SCAMP1: variants seen among roughly 807,000 people sequenced by gnomAD.
SCAMP1 encodes the protein secretory carrier membrane protein 1.
SCAMP1 carries 15 observed loss-of-function variants against 41.8 expected under a neutral mutation model. The ratio of observed to expected loss-of-function variants is 0.36; its 90% CI spans 0.24 to 0.55. The LOEUF (loss-of-function observed/expected upper bound fraction) is 0.55, where lower values mean the gene tolerates loss of function less well. Ranked by LOEUF, SCAMP1 falls within the 20% of genes least tolerant of loss-of-function variation. The pLI, the probability that SCAMP1 is intolerant of heterozygous loss-of-function variation, is 0.86. For missense variants in SCAMP1, 341 were observed against 412.6 expected (o/e 0.83, Z 1.50); for synonymous variants, 135 against 136.8 (o/e 0.99, Z 0.09).
rs11959013 is a variant in SCAMP1, at chr5:78,453,325, C to A, written c.734+3291C>A. On this transcript the variant is annotated intron_variant, in intron 7 of 8. Transcript: ENST00000621999. ...AGGGTTTTTATGGTTTTAGGTCTAA[C>A]GTTTAAGTCTTTAATCCATCTTGAA... Among the ~76,000 whole-genome samples the A allele has an allele frequency of 4.1e-5, 6 of 146,526 alleles. No homozygotes were observed. The East Asian group carries it at 9.9e-4, about 24-fold the overall frequency.
chr5:78,449,202 C>T (rs1753154590), intron 6 of SCAMP1, among the ~76,000 whole-genome samples: 1 of 151,658 alleles, frequency 6.6e-6, no homozygotes, highest in Non-Finnish European at 1.5e-5. Context: ...TGAATAATAA[C>T]AATAATAACT....
intron 8 of SCAMP1, among the ~76,000 whole-genome samples, chr5:78,473,565 CT>C (rs1009908490): frequency 1.3e-5 from 2 of 152,098 alleles, no homozygotes; most frequent in African/African-American, 2.4e-5. Context: ...ACAGTTGAGC[CT>C]GTCATCCAGG....
chr5:78,442,218 C>G (rs971226083), intron 6 of SCAMP1, among the ~76,000 whole-genome samples: 5 of 152,184 alleles, frequency 3.3e-5, no homozygotes, highest in Non-Finnish European at 5.9e-5. Context: ...TTAGTATTCT[C>G]TGTTCAGATA....
At chr5:78,445,018 A>G (rs1753019372) in intron 6 of SCAMP1, among the ~76,000 whole-genome samples, 1 of 152,228 alleles carries the variant, frequency 6.6e-6, no homozygotes, top group African/African-American at 2.4e-5. Flanking sequence ...TTGAGTTGCC[A>G]GAGTTAAATA....
chr5:78,416,674 A>T, intron 4 of SCAMP1, 25 bp downstream of exon 4: 1 of 1,515,582 alleles, frequency 6.6e-7, no homozygotes, highest in South Asian at 1.2e-5. Flanking sequence ...AATTTGAAAT[A>T]AAAATAACTT....
intron 6 of SCAMP1, among the ~76,000 whole-genome samples, chr5:78,430,142 GTATT>G (rs60452464): frequency 1.4e-4 from 6 of 41,786 alleles, no homozygotes; most frequent in African/African-American, 3.8e-4. Context: ...TATAAATACA[GTATT>G]TATTTATAAA....
intron 6 of SCAMP1, among the ~76,000 whole-genome samples, chr5:78,426,449 A>G (rs1752472741): frequency 2.6e-5 from 4 of 152,184 alleles, no homozygotes; most frequent in Admixed American, 2.6e-4. Flanking sequence ...CCTTGCCAGC[A>G]TCTGTTTCCT....
chr5:78,388,616 TCTAA>T (rs1167436117), intron 1 of SCAMP1, among the ~76,000 whole-genome samples: 1 of 152,228 alleles, frequency 6.6e-6, no homozygotes, highest in African/African-American at 2.4e-5. Flanking sequence ...CTGATTTGAA[TCTAA>T]CTCAGTTTTT....
chr5:78,429,080 A>G (rs1409767802), intron 6 of SCAMP1, among the ~76,000 whole-genome samples: 1 of 152,100 alleles, frequency 6.6e-6, no homozygotes, highest in African/African-American at 2.4e-5. Flanking sequence ...TGTCTTCTGC[A>G]AATAAAAATG....
intron 7 of SCAMP1, among the ~76,000 whole-genome samples, chr5:78,457,324 T>C (rs900659273): frequency 1.2e-4 from 18 of 152,240 alleles, no homozygotes; most frequent in African/African-American, 3.4e-4. Flanking sequence ...TTTTATCTAC[T>C]TTTGGTCTTT....
chr5:78,377,776 C>T (rs1751103095), intron 1 of SCAMP1, among the ~76,000 whole-genome samples: 1 of 152,190 alleles, frequency 6.6e-6, no homozygotes, highest in Admixed American at 6.5e-5. Flanking sequence ...GCAGCCTCAC[C>T]TGTCACTTAT....
chr5:78,469,090 A>G (rs190216249), intron 8 of SCAMP1, among the ~76,000 whole-genome samples: 19 of 152,290 alleles, frequency 1.2e-4, no homozygotes, highest in Admixed American at 6.5e-4. Flanking sequence ...ATCACATATT[A>G]TAAGTGGACC....
intron 7 of SCAMP1, among the ~76,000 whole-genome samples, chr5:78,456,679 T>C (rs10061850): frequency 9.3e-5 from 14 of 150,868 alleles, no homozygotes; most frequent in East Asian, 1.9e-4. Context: ...TTGCTCTTCT[T>C]GAGGAGTATC....
rs112269265 is a variant in SCAMP1 at position 78,376,253 on chromosome 5, A to G, written c.58-12584A>G. Among the ~76,000 whole-genome samples, 1,283 of 152,328 alleles carry G rather than the reference A, an allele frequency of 8.4e-3. 19 individuals carry two copies. The highest frequency in any genetic ancestry group is 0.029 in the African/African-American group (1,198 of 41,568). On this transcript the variant is annotated intron_variant, in intron 1 of 8. Transcript: ENST00000621999. ...TATTGGGGGTGGGTTCCCCCGATAT[A>G]TAAAAATTAGAGATATTTTACATTG...
At chr5:78,368,878 T>C (rs1750865708) in intron 1 of SCAMP1, among the ~76,000 whole-genome samples, 1 of 152,054 alleles carries the variant, frequency 6.6e-6, no homozygotes, top group Non-Finnish European at 1.5e-5. Flanking sequence ...CAAAGTTTAC[T>C]TGAAGGTAAA....
chr5:78,457,021 G>C (rs964934921), intron 7 of SCAMP1, among the ~76,000 whole-genome samples: 1 of 129,496 alleles, frequency 7.7e-6, no homozygotes, highest in South Asian at 3.0e-4. Context: ...CTCGAGCCTT[G>C]GTTTTCAGCT....
At chr5:78,462,196 AGTGTGTGT>A (rs58331355) in intron 8 of SCAMP1, among the ~76,000 whole-genome samples, 2,278 of 147,984 alleles carry the variant, frequency 0.015, 47 homozygotes, top group African/African-American at 0.046. Flanking sequence ...TGTGTGTAGG[AGTGTGTGT>A]GTGTGTGTGT....
intron 6 of SCAMP1, among the ~76,000 whole-genome samples, chr5:78,441,256 A>G (rs1277672348): frequency 6.6e-6 from 1 of 152,190 alleles, no homozygotes; most frequent in Non-Finnish European, 1.5e-5. Flanking sequence ...ATCAGTTGGA[A>G]ATGCAGAAAT....
At chr5:78,461,973 A>G (rs1469636882) in intron 8 of SCAMP1, among the ~76,000 whole-genome samples, 3 of 152,196 alleles carry the variant, frequency 2.0e-5, no homozygotes, top group Non-Finnish European at 4.4e-5. Flanking sequence ...TGTATTTTCT[A>G]CTTCTGTGAA....
Sources: gnomAD v4.1 joint callset for allele counts (sites outside exome capture counted in the v4.1 genomes callset) on GRCh38, gnomAD v4.1.1 for gene constraint, MANE v1.5 for transcripts, NCBI Gene and HGNC (gene_info 2026-07-23, HGNC 2026-07-21) for gene names.